The following SCN2A variants were observed in gnomAD, a reference collection of about 807,000 sequenced individuals.
SCN2A encodes the protein sodium channel protein type 2 subunit alpha.
A neutral mutation model predicts 188.7 loss-of-function variants in SCN2A; 20 were observed. The ratio of observed to expected loss-of-function variants is 0.11; its 90% CI spans 0.07 to 0.15. The LOEUF is 0.15. Among genes scored for constraint, SCN2A ranks in the 10% least tolerant of loss-of-function variants. The pLI is 1.00. For synonymous variants in SCN2A, 804 were observed against 833.1 expected, an observed-to-expected ratio of 0.97 and a Z score of 0.60; for missense variants, 1,278 against 2,445.0, an observed-to-expected ratio of 0.52 and a Z score of 10.07.
At chr2:165,362,694 T>C (rs1222238685) in intron 17 of SCN2A, among the ~76,000 whole-genome samples, 1 of 152,116 alleles carries the variant, frequency 6.6e-6, no homozygotes, top group African/African-American at 2.4e-5. Flanking sequence ...ATTGGTGTAT[T>C]ATCCATAGGG....
At chr2:165,366,912 G>A (rs1332533947) in intron 18 of SCN2A, among the ~76,000 whole-genome samples, 1 of 152,096 alleles carries the variant, frequency 6.6e-6, no homozygotes, top group East Asian at 1.9e-4. Context: ...ATAAGGACAG[G>A]ATGGAAATAC....
chr2:165,302,343 G>C (rs1696859533), intron 3 of SCN2A, among the ~76,000 whole-genome samples: 2 of 152,104 alleles, frequency 1.3e-5, no homozygotes, highest in African/African-American at 4.8e-5. Flanking sequence ...GCACTGGTAT[G>C]CAGAAAAAGA....
At chr2:165,360,938 AC>A (rs1245657155) in intron 17 of SCN2A, among the ~76,000 whole-genome samples, 1 of 151,952 alleles carries the variant, frequency 6.6e-6, no homozygotes, top group African/African-American at 2.4e-5. Context: ...TAACAGTTTC[AC>A]ATAGTGATCA....
At chr2:165,375,963 T>G (rs1701292035) in intron 22 of SCN2A, among the ~76,000 whole-genome samples, 1 of 151,718 alleles carries the variant, frequency 6.6e-6, no homozygotes, top group Non-Finnish European at 1.5e-5. Flanking sequence ...GAAAGACAAA[T>G]GACACATGAT....
At chr2:165,319,354 A>AT (rs1697950505) in intron 11 of SCN2A, among the ~76,000 whole-genome samples, 1 of 152,160 alleles carries the variant, frequency 6.6e-6, no homozygotes, top group Non-Finnish European at 1.5e-5. Context: ...AAATAAATAA[A>AT]AAAAAAGAAG....
chr2:165,328,603 A>T lies in SCN2A; in HGVS notation c.2149+1619A>T, dbSNP rs377320875. The T allele has an allele frequency of 2.9e-5, 21 of 735,822 alleles. No individual in the cohort carries two copies. The East Asian group carries it at 2.2e-3, about 77-fold the overall frequency. 45.6% of individuals were successfully genotyped at this position (735,822 alleles called of 1,614,324 possible). A position where few individuals can be genotyped will look rare whatever the true frequency, so the allele number is the denominator to read the frequency against. ...GCATTAAGTTTGAGCTAAATAAGAC[A>T]TTACTTAAAAAACCTCAAATATCCA... On this transcript the variant is annotated intron_variant, in intron 13 of 26. Transcript: ENST00000375437.
chr2:165,284,206 T>C (rs1414440733), intron 1 of SCN2A, among the ~76,000 whole-genome samples: 1 of 152,186 alleles, frequency 6.6e-6, no homozygotes, highest in Non-Finnish European at 1.5e-5. Flanking sequence ...AGTCTGGCTC[T>C]GTCGCCCAGG....
At chr2:165,297,996 G>A (rs972033115) in intron 3 of SCN2A, among the ~76,000 whole-genome samples, 1 of 152,112 alleles carries the variant, frequency 6.6e-6, no homozygotes, top group Non-Finnish European at 1.5e-5. Flanking sequence ...AGCCAGTCTT[G>A]GGAATGCCAA....
At chr2:165,280,762 C>G (rs116713320) in intron 1 of SCN2A, among the ~76,000 whole-genome samples, 2,164 of 152,274 alleles carry the variant, frequency 0.014, 45 homozygotes, top group Admixed American at 0.073. Flanking sequence ...AGACCTGCAG[C>G]TTTACCCACT....
At position 165,390,059 on chromosome 2, in the gene SCN2A, T is replaced by C. The variant is rs1702069322; in HGVS notation, c.*235T>C. On this transcript the variant is annotated 3_prime_UTR_variant, in exon 27 of 27. Coordinates refer to ENST00000375437, the MANE Select transcript of SCN2A (RefSeq NM_001040142.2). ...TTCTATTTTCACAACCAGCTGACACTGCTGAAGAGCAGAGGCGTAATGGCT... is the reference window on the plus strand; with the variant it reads ...TTCTATTTTCACAACCAGCTGACACCGCTGAAGAGCAGAGGCGTAATGGCT... 1 of 578,642 alleles carries C rather than the reference T, an allele frequency of 1.7e-6. No individual in the cohort carries two copies. Among genetic ancestry groups the C allele is most frequent in the Middle Eastern group, 5.0e-4 (1 of 2,020 alleles). The allele number at this position is 578,642 out of a possible 1,614,324, so 35.8% of individuals were successfully genotyped here.
chr2:165,372,918 T>C (rs1574711245), intron 20 of SCN2A: 1 of 263,634 alleles, frequency 3.8e-6, no homozygotes, highest in East Asian at 8.7e-5. Flanking sequence ...TTCTTTACTT[T>C]TAATTTTTTA....
intron 11 of SCN2A, among the ~76,000 whole-genome samples, chr2:165,321,046 C>T (rs1698051257): frequency 6.6e-6 from 1 of 152,162 alleles, no homozygotes; most frequent in African/African-American, 2.4e-5. Context: ...AACTGAATAC[C>T]TTTAGCAGTA....
intron 1 of SCN2A, among the ~76,000 whole-genome samples, chr2:165,291,503 C>CTTTCT (rs1696172632): frequency 9.4e-6 from 1 of 106,558 alleles, no homozygotes; most frequent in Non-Finnish European, 2.0e-5. Flanking sequence ...TTCTTTCTTT[C>CTTTCT]TTTCTTTCTT....
intron 1 of SCN2A, among the ~76,000 whole-genome samples, chr2:165,278,594 G>C (rs897288127): frequency 3.9e-5 from 6 of 152,070 alleles, no homozygotes; most frequent in African/African-American, 1.4e-4. Context: ...GATTTGGGTG[G>C]GGACACAAAG....
chr2:165,379,534 T>A (rs1701490488), intron 23 of SCN2A, among the ~76,000 whole-genome samples: 1 of 151,750 alleles, frequency 6.6e-6, no homozygotes, highest in Non-Finnish European at 1.5e-5. Flanking sequence ...TGTCCTGGGT[T>A]ATGGATTTCA....
intron 1 of SCN2A, among the ~76,000 whole-genome samples, chr2:165,275,963 A>G (rs1001191896): frequency 9.2e-5 from 14 of 151,966 alleles, no homozygotes; most frequent in African/African-American, 3.1e-4. Flanking sequence ...TTGAACTCCT[A>G]ACCTCATAAT....
chr2:165,315,791 C>A, intron 11 of SCN2A, 33 bp downstream of exon 11: 1 of 1,600,468 alleles, frequency 6.2e-7, no homozygotes, highest in South Asian at 1.1e-5. Flanking sequence ...ATTGTGTTCT[C>A]ATAAATTTTT....
chr2:165,330,893 C>T (rs1698635312), intron 13 of SCN2A, among the ~76,000 whole-genome samples: 1 of 152,048 alleles, frequency 6.6e-6, no homozygotes, highest in Non-Finnish European at 1.5e-5. Context: ...TAGAAGATCA[C>T]CAAAACATAT....
At chr2:165,348,191 T>C (rs1699701813) in intron 16 of SCN2A, among the ~76,000 whole-genome samples, 1 of 151,978 alleles carries the variant, frequency 6.6e-6, no homozygotes, top group Non-Finnish European at 1.5e-5. Flanking sequence ...AAACCCCATC[T>C]CTACTAGAAA....
Sources: gnomAD v4.1 joint callset for allele counts (sites outside exome capture counted in the v4.1 genomes callset) on GRCh38, gnomAD v4.1.1 for gene constraint, MANE v1.5 for transcripts, NCBI Gene and HGNC (gene_info 2026-07-23, HGNC 2026-07-21) for gene names.